Variants in CTBP2 observed in about 807,000 individuals in gnomAD.
CTBP2 encodes the protein C-terminal-binding protein 2.
A neutral mutation model predicts 80.3 loss-of-function variants in CTBP2; 30 were observed. The observed-to-expected ratio is 0.37, with a 90% CI of 0.28 to 0.51. The LOEUF (loss-of-function observed/expected upper bound fraction) is 0.51, where lower values mean the gene tolerates loss of function less well. Among genes scored for constraint, CTBP2 ranks in the 20% least tolerant of loss-of-function variants. The pLI, the probability that CTBP2 is intolerant of heterozygous loss-of-function variation, is 0.93. For missense variants in CTBP2, 1,212 were observed against 1,375.3 expected (o/e 0.88, Z 1.88); for synonymous variants, 594 against 587.4 (o/e 1.01, Z -0.16).
At chr10:125,082,841 G>A (rs1847383855) in intron 2 of CTBP2, among the ~76,000 whole-genome samples, 2 of 152,086 alleles carry the variant, frequency 1.3e-5, no homozygotes. Flanking sequence ...CGCTCGCCTC[G>A]GCCTCCTGAA....
At chr10:125,069,749 T>C (rs546214198) in intron 2 of CTBP2, among the ~76,000 whole-genome samples, 1 of 152,204 alleles carries the variant, frequency 6.6e-6, no homozygotes, top group Non-Finnish European at 1.5e-5. Context: ...ACATGGAGAT[T>C]TCTGCTGAGA....
intron 2 of CTBP2, among the ~76,000 whole-genome samples, chr10:125,042,051 C>T (rs567059182): frequency 7.2e-4 from 109 of 151,856 alleles, no homozygotes; most frequent in Non-Finnish European, 1.3e-3. Flanking sequence ...CCAGTGGCAC[C>T]GACCCATGTT....
chr10:125,093,498 G>A (rs868739965), intron 2 of CTBP2, among the ~76,000 whole-genome samples: 6 of 152,184 alleles, frequency 3.9e-5, no homozygotes, highest in Admixed American at 6.5e-5. Flanking sequence ...TCCCACCCAC[G>A]ACACTTTGTT....
intron 1 of CTBP2, among the ~76,000 whole-genome samples, chr10:125,021,745 A>G (rs114147640): frequency 0.018 from 2,759 of 152,276 alleles, 69 homozygotes; most frequent in African/African-American, 0.062. Flanking sequence ...CCAGGGGCAC[A>G]CTGAATGCAG....
intron 3 of CTBP2, among the ~76,000 whole-genome samples, chr10:125,035,559 GATT>G (rs1958767586): frequency 6.6e-6 from 1 of 152,214 alleles, no homozygotes; most frequent in African/African-American, 2.4e-5. Context: ...TTTACAGACT[GATT>G]CTATCATAAT....
intron 2 of CTBP2, among the ~76,000 whole-genome samples, chr10:125,078,999 G>A (rs999963869): frequency 1.4e-5 from 2 of 141,654 alleles, no homozygotes; most frequent in Admixed American, 7.2e-5. Flanking sequence ...AAAAAAAAAC[G>A]AGCCGGGCAT....
chr10:125,156,874 G>A (rs1380234141), intron 1 of CTBP2, among the ~76,000 whole-genome samples: 1 of 152,084 alleles, frequency 6.6e-6, no homozygotes, highest in Admixed American at 6.5e-5. Context: ...TCTCTGAAAG[G>A]GTAACTGACA....
intron 2 of CTBP2, among the ~76,000 whole-genome samples, chr10:125,082,680 T>A (rs1175381885): frequency 6.6e-6 from 1 of 151,062 alleles, no homozygotes; most frequent in African/African-American, 2.4e-5. Flanking sequence ...CTCCGCCTCG[T>A]GGGATCAAGT....
intron 1 of CTBP2, among the ~76,000 whole-genome samples, chr10:125,123,331 T>C (rs1225960518): frequency 1.3e-5 from 2 of 152,184 alleles, no homozygotes; most frequent in African/African-American, 4.8e-5. Context: ...TTCTGAATAG[T>C]ATCCATGGAT....
intron 3 of CTBP2, chr10:124,998,660 A>G (rs1483860576): frequency 5.7e-6 from 1 of 176,368 alleles, no homozygotes. Flanking sequence ...CGTTTTAAAC[A>G]TACTGGTTTT....
chr10:125,142,905 G>A (rs1858080384), intron 1 of CTBP2, among the ~76,000 whole-genome samples: 1 of 152,130 alleles, frequency 6.6e-6, no homozygotes, highest in African/African-American at 2.4e-5. Context: ...GTTACCTCCC[G>A]TGGTTTAGTG....
chr10:125,089,328 T>C (rs954346126), intron 2 of CTBP2, among the ~76,000 whole-genome samples: 1 of 152,162 alleles, frequency 6.6e-6, no homozygotes, highest in African/African-American at 2.4e-5. Flanking sequence ...AAACTTTAAA[T>C]CAAAGTAATG....
intron 1 of CTBP2, among the ~76,000 whole-genome samples, chr10:125,123,749 T>C (rs1473168882): frequency 1.3e-5 from 2 of 152,186 alleles, no homozygotes; most frequent in African/African-American, 2.4e-5. Flanking sequence ...CCTGACCTTC[T>C]CTCACTGGAG....
In CTBP2 at chr10:125,027,426, T is replaced by C. The variant is rs766827766; in HGVS notation, c.334A>G (p.Ser112Gly). 6.2e-7 allele frequency: 1 copy of C among 1,614,088 alleles called. No homozygotes were observed. Among genetic ancestry groups the C allele is most frequent in the Non-Finnish European group, 8.5e-7 (1 of 1,180,016 alleles). The change falls in exon 1 of 9, where the codon AGT (serine) becomes GGT (glycine). Residue 112 changes from serine to glycine, a missense_variant. By Grantham distance (56) the Ser-to-Gly change is moderately conservative (BLOSUM62 0). Transcript: ENST00000309035. ...ACCCTAGCAGCTCCAGACGGATCAC[T>C]GTAGTACTCCCGTGGCAGCAGGGGG...
intron 1 of CTBP2, among the ~76,000 whole-genome samples, chr10:125,126,521 G>A (rs930717158): frequency 6.6e-6 from 1 of 152,200 alleles, no homozygotes; most frequent in Non-Finnish European, 1.5e-5. Context: ...TACAGCTGAG[G>A]ATGGGGATGG....
At chr10:125,012,831 C>T (rs1183976276) in intron 1 of CTBP2, among the ~76,000 whole-genome samples, 3 of 152,130 alleles carry the variant, frequency 2.0e-5, no homozygotes, top group African/African-American at 2.4e-5. Flanking sequence ...CCGCCCGCCT[C>T]GGCCTCCCAA....
chr10:125,091,775 AAAC>A (rs2135696341), intron 2 of CTBP2, among the ~76,000 whole-genome samples: 1 of 152,340 alleles, frequency 6.6e-6, no homozygotes, highest in Non-Finnish European at 1.5e-5. Context: ...TCTTGGAAAA[AAAC>A]AAAAAAACCC....
rs570459765 is a variant in CTBP2 at position 125,063,912 on chromosome 10, C to A, written c.-101-24757G>T. ...CAGCAACTCCATCAGGCACGGTTTTCCCCCACCCCCAGGCTGCAGTGCCAC... is the reference window on the plus strand; with the variant it reads ...CAGCAACTCCATCAGGCACGGTTTTACCCCACCCCCAGGCTGCAGTGCCAC... On this transcript the variant is annotated intron_variant, in intron 2 of 10. Transcript: ENST00000337195. Among the ~76,000 whole-genome samples, 9 of 151,958 alleles carry A rather than the reference C, an allele frequency of 5.9e-5. No individual in the cohort carries two copies. The South Asian group carries it at 1.9e-3, about 32-fold the overall frequency.
intron 2 of CTBP2, among the ~76,000 whole-genome samples, chr10:125,074,300 G>A (rs372185454): frequency 2.0e-5 from 3 of 152,220 alleles, no homozygotes; most frequent in East Asian, 3.8e-4. Context: ...TGACCTGTCT[G>A]GTGCACCATG....
Sources: allele counts gnomAD v4.1 joint callset (sites outside exome capture counted in the v4.1 genomes callset), GRCh38; gene constraint gnomAD v4.1.1; transcripts MANE v1.5; gene names NCBI Gene and HGNC (gene_info 2026-07-23, HGNC 2026-07-21).